The following FBXO10 variants were observed in gnomAD, a reference collection of about 807,000 sequenced individuals.
FBXO10 encodes F-box only protein 10.
Under a neutral mutation model 80.7 loss-of-function variants are expected in FBXO10, and 39 were observed. The observed-to-expected ratio is 0.48, with a 90% CI of 0.37 to 0.63. The LOEUF (loss-of-function observed/expected upper bound fraction) is 0.63, where lower values mean the gene tolerates loss of function less well. Among genes scored for constraint, FBXO10 ranks in the 30% least tolerant of loss-of-function variants. The pLI, the probability that FBXO10 is intolerant of heterozygous loss-of-function variation, is 0.00. For synonymous variants in FBXO10, 449 were observed against 489.6 expected (o/e 0.92, Z 1.09); for missense variants, 1,025 against 1,269.0 (o/e 0.81, Z 2.92).
intron 1 of FBXO10, among the ~76,000 whole-genome samples, chr9:37,546,510 T>C (rs1588846955): frequency 6.6e-6 from 1 of 152,318 alleles, no homozygotes; most frequent in South Asian, 2.1e-4. Flanking sequence ...GTTCATTCAC[T>C]CATCCGACAG....
Position 37,537,953 on chromosome 9 carries a change from G to C in FBXO10, c.586-10C>G. 6.4e-7 allele frequency: 1 copy of C among 1,565,082 alleles called. No individual in the cohort carries two copies. On this transcript the variant is annotated splice_polypyrimidine_tract_variant and intron_variant, in intron 2 of 10. Coordinates refer to ENST00000432825, the MANE Select transcript of FBXO10 (RefSeq NM_012166.3). ...CGTGACCTGATGTTGTCTGGGGAATGAAAAGAAGAAAACGGCTGTAAGAGG... is the reference window on the plus strand; with the variant it reads ...CGTGACCTGATGTTGTCTGGGGAATCAAAAGAAGAAAACGGCTGTAAGAGG...
chr9:37,523,561 G>C (rs1223545953), intron 6 of FBXO10, among the ~76,000 whole-genome samples: 13 of 151,984 alleles, frequency 8.6e-5, no homozygotes, highest in Admixed American at 8.5e-4. Flanking sequence ...TCAAAAAAAA[G>C]AATAAACTAG....
chr9:37,532,193 G>T, intron 3 of FBXO10, 135 bp from the exon 4 acceptor site: 1 of 931,954 alleles, frequency 1.1e-6, no homozygotes, highest in Non-Finnish European at 1.6e-6. Context: ...ACGCCTCAAT[G>T]CTGGCACAGC....
intron 1 of FBXO10, among the ~76,000 whole-genome samples, chr9:37,558,813 C>CTT (rs34174564): frequency 2.1e-5 from 3 of 144,756 alleles, no homozygotes; most frequent in East Asian, 2.0e-4. Flanking sequence ...GAAAGAAAAT[C>CTT]TTTTTTTTTT....
At chr9:37,552,941 T>C (rs1353584040) in intron 1 of FBXO10, among the ~76,000 whole-genome samples, 1 of 151,974 alleles carries the variant, frequency 6.6e-6, no homozygotes, top group East Asian at 1.9e-4. Flanking sequence ...CACTGTTGCA[T>C]TGGGGATTAG....
rs1822894791 is a variant in FBXO10 at position 37,576,307 on chromosome 9, A to G, written c.-103T>C. 1 of 152,028 alleles carries G rather than the reference A, an allele frequency of 6.6e-6. No homozygotes were observed. Among genetic ancestry groups the G allele is most frequent in the South Asian group, 2.1e-4 (1 of 4,836 alleles). 9.4% of individuals were successfully genotyped at this position (152,028 alleles called of 1,614,324 possible). A position where few individuals can be genotyped will look rare whatever the true frequency, so the allele number is the denominator to read the frequency against. On this transcript the variant is annotated 5_prime_UTR_variant, in exon 1 of 11. Transcript: ENST00000432825. ...CGCTGGAGCCGCAGCAGCCGGTAGG[A>G]TTGCGGCGTGCGGCCAGCCCCGCCC...
At chr9:37,554,332 C>T (rs1822282568) in intron 1 of FBXO10, among the ~76,000 whole-genome samples, 1 of 152,182 alleles carries the variant, frequency 6.6e-6, no homozygotes. Context: ...CAGTGTGTCA[C>T]CTATTGAGAC....
At chr9:37,568,556 AATT>A (rs1355625461) in intron 1 of FBXO10, among the ~76,000 whole-genome samples, 1 of 152,138 alleles carries the variant, frequency 6.6e-6, no homozygotes, top group Non-Finnish European at 1.5e-5. Flanking sequence ...TTCTCAGGTA[AATT>A]ATTTACTCTC....
At position 37,512,088 on chromosome 9, in the gene FBXO10, C is replaced by T. The variant is rs374794358; in HGVS notation, c.*459G>A. Reference sequence around the variant, plus strand: ...CAGCTGGGAGGGTGTGGTGGGGTCCCTGGAGGGATTGAGAGGGAGACAGCT... The same window carrying T: ...CAGCTGGGAGGGTGTGGTGGGGTCCTTGGAGGGATTGAGAGGGAGACAGCT... On this transcript the variant is annotated 3_prime_UTR_variant, in exon 11 of 11. Coordinates refer to ENST00000432825, the MANE Select transcript of FBXO10 (RefSeq NM_012166.3). 1 of 152,732 alleles carries T rather than the reference C, an allele frequency of 6.5e-6. No individual in the cohort carries two copies. The highest frequency in any genetic ancestry group is 1.5e-5 in the Non-Finnish European group (1 of 68,488). The allele number at this position is 152,732 out of a possible 1,614,324, so 9.5% of individuals were successfully genotyped here.
chr9:37,520,313 CT>C (rs11309075), intron 8 of FBXO10, among the ~76,000 whole-genome samples: 12,266 of 110,954 alleles, frequency 0.11, 1,017 homozygotes, highest in African/African-American at 0.29. Context: ...CTTCTACCAT[CT>C]TTTTTTTTTT....
intron 1 of FBXO10, among the ~76,000 whole-genome samples, chr9:37,545,873 G>A (rs1306750227): frequency 6.6e-6 from 1 of 152,200 alleles, no homozygotes; most frequent in Non-Finnish European, 1.5e-5. Flanking sequence ...TTGGCCGGGT[G>A]CGGTGGCTCA....
At chr9:37,544,949 G>A (rs1177391461) in intron 1 of FBXO10, among the ~76,000 whole-genome samples, 4 of 141,494 alleles carry the variant, frequency 2.8e-5, no homozygotes, top group South Asian at 2.3e-4. Context: ...AGCGGAGATC[G>A]CGCCACTGCA....
At chr9:37,533,573 A>C (rs1292575487) in intron 3 of FBXO10, among the ~76,000 whole-genome samples, 10 of 151,466 alleles carry the variant, frequency 6.6e-5, no homozygotes, top group East Asian at 5.8e-4. Context: ...GAATTAAAAA[A>C]AACAACAACA....
intron 1 of FBXO10, among the ~76,000 whole-genome samples, chr9:37,549,288 C>T (rs1244204768): frequency 6.6e-6 from 1 of 152,134 alleles, no homozygotes; most frequent in East Asian, 1.9e-4. Context: ...TCCCACAGCA[C>T]CCAGAGAACA....
At chr9:37,542,949 C>T (rs1368812281) in intron 1 of FBXO10, among the ~76,000 whole-genome samples, 12 of 152,224 alleles carry the variant, frequency 7.9e-5, no homozygotes, top group Non-Finnish European at 1.8e-4. Flanking sequence ...GGATCCCCTA[C>T]ACTCTCAAGG....
At chr9:37,545,174 G>T (rs975547067) in intron 1 of FBXO10, among the ~76,000 whole-genome samples, 35 of 85,986 alleles carry the variant, frequency 4.1e-4, no homozygotes, top group Non-Finnish European at 6.5e-4. Context: ...ACATTCTCAG[G>T]CTTTTTTTTT....
chr9:37,518,770 A>C (rs1400971230), intron 8 of FBXO10, among the ~76,000 whole-genome samples: 3 of 151,410 alleles, frequency 2.0e-5, no homozygotes, highest in Non-Finnish European at 2.9e-5. Flanking sequence ...TGCCGCTTAC[A>C]CCTCCCTGAC....
At chr9:37,545,420 G>A (rs1406745450) in intron 1 of FBXO10, among the ~76,000 whole-genome samples, 2 of 152,026 alleles carry the variant, frequency 1.3e-5, no homozygotes, top group African/African-American at 2.4e-5. Context: ...CTTGTGATCT[G>A]CCCATCTTGG....
intron 1 of FBXO10, among the ~76,000 whole-genome samples, chr9:37,555,725 T>TATATTAA (rs1324082028): frequency 6.6e-6 from 1 of 152,102 alleles, no homozygotes; most frequent in Admixed American, 6.5e-5. Context: ...TATTTAATTA[T>TATATTAA]AGGACTTCTT....
Sources: gnomAD v4.1 joint callset for allele counts (sites outside exome capture counted in the v4.1 genomes callset) on GRCh38, gnomAD v4.1.1 for gene constraint, MANE v1.5 for transcripts, NCBI Gene and HGNC (gene_info 2026-07-23, HGNC 2026-07-21) for gene names.